ERC2: variants seen among roughly 807,000 people sequenced by gnomAD.
The protein encoded by ERC2 is ELKS/RAB6-interacting/CAST family member 2.
ERC2 carries 42 observed loss-of-function variants against 114.8 expected under a neutral mutation model. The ratio of observed to expected loss-of-function variants is 0.37; its 90% confidence interval spans 0.29 to 0.47. The LOEUF is 0.47. Ranked by LOEUF, ERC2 falls within the 20% of genes least tolerant of loss-of-function variation. The pLI is 0.99. For synonymous variants in ERC2, 454 were observed against 425.5 expected, an observed-to-expected ratio of 1.07 and a Z score of -0.82; for missense variants, 939 against 1,150.7, an observed-to-expected ratio of 0.82 and a Z score of 2.66.
chr3:55,652,341 CATTTT>C (rs921467445), intron 17 of ERC2, among the ~76,000 whole-genome samples: 23 of 152,220 alleles, frequency 1.5e-4, no homozygotes, highest in African/African-American at 3.9e-4. Context: ...AGTCTACATT[CATTTT>C]ATTTTATTTT....
intron 17 of ERC2, among the ~76,000 whole-genome samples, chr3:55,558,574 G>T (rs1249323629): frequency 6.6e-6 from 1 of 152,214 alleles, no homozygotes; most frequent in African/African-American, 2.4e-5. Flanking sequence ...CAGATGCAAT[G>T]CTCTGAAGTT....
chr3:55,558,120 G>C (rs1158982815), intron 17 of ERC2, among the ~76,000 whole-genome samples: 1 of 152,230 alleles, frequency 6.6e-6, no homozygotes, highest in Non-Finnish European at 1.5e-5. Context: ...TATGATTTCA[G>C]AGCAACTTGT....
rs548516415 is a variant in ERC2, at chr3:55,834,887, A to G, written c.2564+53502T>C. Among the ~76,000 whole-genome samples, 27 of 146,190 alleles carry G rather than the reference A, an allele frequency of 1.8e-4. No individual in the cohort carries two copies. The South Asian group carries it at 5.9e-3, about 32-fold the overall frequency. On this transcript the variant is annotated intron_variant, in intron 14 of 17. Coordinates refer to ENST00000288221, the MANE Select transcript of ERC2 (RefSeq NM_015576.3). The stretch of plus-strand genomic sequence containing the variant: ...TAAAGAAGAAAAGAGAGAAGAATCA[A>G]ATAGACGCAATAAAAAATGATCAAG...
At position 56,434,847 on chromosome 3, in the gene ERC2, G is replaced by T; in HGVS notation, c.161C>A (p.Ala54Glu). 6.2e-7 allele frequency: 1 copy of T among 1,613,854 alleles called. No homozygotes were observed. Among genetic ancestry groups the T allele is most frequent in the South Asian group, 1.1e-5 (1 of 91,078 alleles). ...CATGGGTCCAGACGTAGCATAGGCT[G>T]CATTGAGGGACTGGATATTCTCCAT... ...LSMENIQSLNAAYATSGPMYL... is the reference protein window; with the variant it reads ...LSMENIQSLNEAYATSGPMYL... The change falls in exon 2 of 18, where the codon GCA becomes GAA. Residue 54 changes from alanine to glutamate, a missense_variant. Physicochemically the swap from Ala to Glu is moderately radical, Grantham distance 107. This residue lies in a region of ERC2 where 281 missense variants were observed against 307.4 expected (regional missense o/e 0.91). Coordinates refer to ENST00000288221, the MANE Select transcript of ERC2 (RefSeq NM_015576.3).
chr3:55,536,869 C>T (rs1364770266), intron 17 of ERC2, among the ~76,000 whole-genome samples: 2 of 152,192 alleles, frequency 1.3e-5, no homozygotes, highest in Non-Finnish European at 2.9e-5. Flanking sequence ...GACTGTGAAA[C>T]CTCAAGCTTT....
intron 17 of ERC2, among the ~76,000 whole-genome samples, chr3:55,635,101 GA>G (rs780090556): frequency 2.0e-5 from 3 of 152,022 alleles, no homozygotes; most frequent in Non-Finnish European, 2.9e-5. Context: ...GGATGGTCTT[GA>G]TCTCGTGACC....
At chr3:55,950,341 C>T (rs1385252270) in intron 13 of ERC2, 84 bp downstream of exon 13, 3 of 1,522,534 alleles carry the variant, frequency 2.0e-6, no homozygotes, top group African/African-American at 2.8e-5. Flanking sequence ...CATTTCTGTG[C>T]ATATTTTCTG....
At chr3:56,414,906 A>G (rs1019807002) in intron 2 of ERC2, among the ~76,000 whole-genome samples, 1 of 152,214 alleles carries the variant, frequency 6.6e-6, no homozygotes, top group Non-Finnish European at 1.5e-5. Flanking sequence ...CTTTAAACTA[A>G]AAATGTACAT....
intron 14 of ERC2, among the ~76,000 whole-genome samples, chr3:55,832,524 C>G (rs1298932577): frequency 6.6e-6 from 1 of 152,228 alleles, no homozygotes; most frequent in Admixed American, 6.5e-5. Flanking sequence ...CTAGCAAACT[C>G]CAACAGACCT....
At chr3:56,408,158 C>G (rs2060799807) in intron 2 of ERC2, among the ~76,000 whole-genome samples, 1 of 152,226 alleles carries the variant, frequency 6.6e-6, no homozygotes, top group South Asian at 2.1e-4. Flanking sequence ...TAGCCCTCAA[C>G]TCAGCACTGT....
At chr3:55,554,406 T>C (rs1411653449) in intron 17 of ERC2, among the ~76,000 whole-genome samples, 3 of 152,178 alleles carry the variant, frequency 2.0e-5, no homozygotes, top group Non-Finnish European at 4.4e-5. Context: ...CTTTCAGGCA[T>C]TTTCCGTCCT....
At chr3:55,991,012 T>G (rs1194061669) in intron 11 of ERC2, among the ~76,000 whole-genome samples, 1 of 152,146 alleles carries the variant, frequency 6.6e-6, no homozygotes, top group Non-Finnish European at 1.5e-5. Flanking sequence ...GAAGGATCAC[T>G]TGAGCCTAGA....
At chr3:55,583,444 TCCC>T (rs2057391322) in intron 17 of ERC2, among the ~76,000 whole-genome samples, 33 of 102,310 alleles carry the variant, frequency 3.2e-4, no homozygotes, top group Non-Finnish European at 4.1e-4. Flanking sequence ...CCTTCCTTCC[TCCC>T]TCCCTCCTTC....
intron 14 of ERC2, among the ~76,000 whole-genome samples, chr3:55,792,621 A>T (rs2070135691): frequency 6.6e-6 from 1 of 152,200 alleles, no homozygotes; most frequent in Non-Finnish European, 1.5e-5. Context: ...GTGAATATGC[A>T]ATGACCAACA....
At chr3:55,877,352 A>T (rs2062902623) in intron 14 of ERC2, among the ~76,000 whole-genome samples, 1 of 152,140 alleles carries the variant, frequency 6.6e-6, no homozygotes, top group Non-Finnish European at 1.5e-5. Context: ...ATCTGAGTCC[A>T]CAGGCCTGTT....
intron 12 of ERC2, among the ~76,000 whole-genome samples, chr3:55,960,340 G>A (rs1254964769): frequency 6.6e-6 from 1 of 152,122 alleles, no homozygotes; most frequent in African/African-American, 2.4e-5. Context: ...CAATAACACA[G>A]CAGCTCCTTC....
intron 7 of ERC2, among the ~76,000 whole-genome samples, chr3:56,039,463 C>T (rs1228700101): frequency 6.6e-6 from 1 of 152,038 alleles, no homozygotes; most frequent in African/African-American, 2.4e-5. Context: ...GGCTTGTACA[C>T]TGAAAACTAT....
rs575781949 is a variant in ERC2 at position 55,906,727 on chromosome 3, G to T, written c.2404-18178C>A. Among the ~76,000 whole-genome samples, 5 of 152,220 alleles carry T rather than the reference G, an allele frequency of 3.3e-5. No homozygotes were observed. The South Asian group carries it at 6.2e-4, about 19-fold the overall frequency. On this transcript the variant is annotated intron_variant, in intron 13 of 17. Transcript: ENST00000288221. ...GGCCTGCCTGTAATCGGGAAAGGAA[G>T]AGTGAGCACCATTTTGCAGGAGACT...
At chr3:56,239,316 C>T (rs902932299) in intron 3 of ERC2, among the ~76,000 whole-genome samples, 2 of 151,944 alleles carry the variant, frequency 1.3e-5, no homozygotes, top group Non-Finnish European at 2.9e-5. Flanking sequence ...CAGGAGTTTG[C>T]GACCAGCGTG....
Sources: allele counts gnomAD v4.1 joint callset (sites outside exome capture counted in the v4.1 genomes callset), GRCh38; gene constraint gnomAD v4.1.1; regional missense constraint gnomAD v4.1.1; transcripts MANE v1.5; gene names NCBI Gene and HGNC (gene_info 2026-07-23, HGNC 2026-07-21).